ABCA4: variants seen among roughly 807,000 people sequenced by gnomAD.
ABCA4 encodes the protein ATP binding cassette subfamily A member 4.
Under a neutral mutation model 263.7 loss-of-function variants are expected in ABCA4, and 196 were observed. The observed-to-expected ratio is 0.74, with a 90% CI of 0.66 to 0.84. The LOEUF (loss-of-function observed/expected upper bound fraction) is 0.84, where lower values mean the gene tolerates loss of function less well. ABCA4 is among the 40% of genes least tolerant of loss of function. ABCA4 has a pLI of 0.00. For synonymous variants in ABCA4, 1,133 were observed against 1,094.2 expected (o/e 1.04, Z -0.70); for missense variants, 2,792 against 2,855.1 (o/e 0.98, Z 0.50).
intron 14 of ABCA4, among the ~76,000 whole-genome samples, chr1:94,058,215 T>C (rs552746629): frequency 6.6e-6 from 1 of 152,258 alleles, no homozygotes; most frequent in South Asian, 2.1e-4. Flanking sequence ...TAAATAAAAG[T>C]CTAAATTAGG....
intron 11 of ABCA4, among the ~76,000 whole-genome samples, chr1:94,065,586 T>C (rs1413381411): frequency 2.6e-5 from 4 of 152,228 alleles, no homozygotes; most frequent in Admixed American, 2.0e-4. Flanking sequence ...CAACACTTCT[T>C]GGGCCTCCTG....
At chr1:94,083,289 A>G (rs1307221063) in intron 7 of ABCA4, 63 bp downstream of exon 7, 5 of 1,308,610 alleles carry the variant, frequency 3.8e-6, no homozygotes, top group East Asian at 4.6e-5. Context: ...ATTATTTGAC[A>G]TAAGTGGGGT....
At chr1:94,101,127 T>G (rs577059) in intron 5 of ABCA4, among the ~76,000 whole-genome samples, 3 of 152,386 alleles carry the variant, frequency 2.0e-5, no homozygotes, top group Admixed American at 1.3e-4. Context: ...TGAAAGGCCT[T>G]GGCACTGATG....
intron 30 of ABCA4, among the ~76,000 whole-genome samples, chr1:94,026,934 G>A (rs1660052827): frequency 1.3e-5 from 2 of 152,198 alleles, no homozygotes; most frequent in Non-Finnish European, 2.9e-5. Flanking sequence ...GTGTGTGTGT[G>A]TGAGAAAGAG....
rs777992502 is a variant in ABCA4 at position 94,029,622 on chromosome 1, G to C, written c.4362C>G (p.Pro1454=). Residue 1454 remains proline, a synonymous_variant, in exon 30 of 50, where the codon CCC becomes CCG. Coordinates refer to ENST00000370225, the MANE Select transcript of ABCA4 (RefSeq NM_000350.3). ...TCTTCCAGGGTGTTGAGTTGCCACA[G>C]GGGTACTCCCTCATGGAAGACAAGA... ...CLKEGWLPEY[P]CGNSTPWKTP... is the part of the protein sequence containing the mutation. The C allele has an allele frequency of 6.2e-7, 1 of 1,613,572 alleles. No homozygotes were observed. The highest frequency in any genetic ancestry group is 8.5e-7 in the Non-Finnish European group (1 of 1,179,780).
intron 11 of ABCA4, among the ~76,000 whole-genome samples, chr1:94,073,978 A>T (rs1056452791): frequency 1.3e-5 from 2 of 152,116 alleles, no homozygotes; most frequent in African/African-American, 4.8e-5. Flanking sequence ...CTGGCTGGGA[A>T]TAAGGGCTTA....
intron 6 of ABCA4, among the ~76,000 whole-genome samples, chr1:94,090,442 T>C (rs1661940005): frequency 6.6e-6 from 1 of 152,100 alleles, no homozygotes; most frequent in Non-Finnish European, 1.5e-5. Context: ...CCTATCACTT[T>C]GAGGACTAAT....
At chr1:94,086,723 GAC>G (rs537979260) in intron 6 of ABCA4, among the ~76,000 whole-genome samples, 115 of 152,186 alleles carry the variant, frequency 7.6e-4, no homozygotes, top group African/African-American at 2.7e-3. Context: ...TTTCCTGATT[GAC>G]AATTCCACAG....
At chr1:94,063,360 C>G (rs199781278) in intron 11 of ABCA4, 43 bp from the exon 12 acceptor site, 1 of 1,570,512 alleles carries the variant, frequency 6.4e-7, no homozygotes, top group East Asian at 2.2e-5. Context: ...GGAGGACCAA[C>G]TGCAAAGACT....
intron 5 of ABCA4, among the ~76,000 whole-genome samples, chr1:94,100,972 G>T (rs544148375): frequency 6.4e-4 from 97 of 152,340 alleles, no homozygotes; most frequent in Admixed American, 1.8e-3. Context: ...CTGGGAAGTG[G>T]GCAGGGAGGG....
rs777546370 is a variant in ABCA4 at position 94,063,129 on chromosome 1, G to C, written c.1743C>G (p.Thr581=). 1 of 1,613,726 alleles carries C rather than the reference G, an allele frequency of 6.2e-7. No homozygotes were observed. Among genetic ancestry groups the C allele is most frequent in the Admixed American group, 1.7e-5 (1 of 60,018 alleles). ...IRMDIDVVEK[T]NKIKDRYWDS... The stretch of plus-strand genomic sequence containing the variant: ...AACATCACCTGTCTTTAATCTTATT[G>C]GTTTTCTCCACCACGTCTATGTCCA... The change falls in exon 12 of 50, where the codon ACC becomes ACG. Residue 581 remains threonine (T), a synonymous_variant. Coordinates refer to ENST00000370225, the MANE Select transcript of ABCA4 (RefSeq NM_000350.3).
At chr1:94,072,127 A>G (rs1661416991) in intron 11 of ABCA4, among the ~76,000 whole-genome samples, 2 of 152,228 alleles carry the variant, frequency 1.3e-5, no homozygotes, top group Non-Finnish European at 1.5e-5. Flanking sequence ...GGCCAGGAAC[A>G]TGCAAGGTTA....
At chr1:94,003,307 CTT>C (rs1659246103) in intron 44 of ABCA4, among the ~76,000 whole-genome samples, 1 of 150,030 alleles carries the variant, frequency 6.7e-6, no homozygotes, top group South Asian at 2.1e-4. Context: ...TTCCATAGCT[CTT>C]TCTTTGTCTT....
Position 94,019,484 on chromosome 1 carries a change from G to A in ABCA4, c.5196+98C>T, listed in dbSNP as rs1271646543. ...AGTGCCTTTCAGCAGCCCTGGCACC[G>A]TGAGAACCCCTCCCCTCTTGGTCTG... is the stretch of plus-strand genomic sequence containing the variant. On this transcript the variant is annotated intron_variant, in intron 36 of 49. Transcript: ENST00000370225. 21 of 1,389,734 alleles carry A rather than the reference G, an allele frequency of 1.5e-5. No homozygotes were observed. The South Asian group carries it at 1.9e-4, about 13-fold the overall frequency. 86.1% of individuals were successfully genotyped at this position (1,389,734 alleles called of 1,614,324 possible). A position where few individuals can be genotyped will look rare whatever the true frequency, so the allele number is the denominator to read the frequency against.
intron 2 of ABCA4, 123 bp from the exon 3 acceptor site, chr1:94,111,702 C>T: frequency 8.4e-7 from 1 of 1,196,534 alleles, no homozygotes; most frequent in Non-Finnish European, 1.2e-6. Flanking sequence ...TCATTCTCAG[C>T]ATTTAAGAAG....
chr1:94,079,865 T>C (rs1661642067), intron 8 of ABCA4, among the ~76,000 whole-genome samples: 1 of 152,170 alleles, frequency 6.6e-6, no homozygotes, highest in South Asian at 2.1e-4. Flanking sequence ...AGCTGCTTTG[T>C]TGTGTGTAGC....
At chr1:94,077,088 AAGC>A (rs1467763715) in intron 11 of ABCA4, among the ~76,000 whole-genome samples, 6 of 152,322 alleles carry the variant, frequency 3.9e-5, no homozygotes, top group Admixed American at 3.3e-4. Context: ...ATGTGTGTAA[AAGC>A]AGTTGGCACA....
At chr1:94,084,001 T>C (rs1306284305) in intron 6 of ABCA4, among the ~76,000 whole-genome samples, 1 of 152,224 alleles carries the variant, frequency 6.6e-6, no homozygotes, top group African/African-American at 2.4e-5. Context: ...AGAAGTTCCC[T>C]TGCAGATTCT....
In ABCA4 at chr1:94,079,447, C is replaced by A; in HGVS notation, c.1114G>T (p.Ala372Ser). Reference protein sequence around the residue: ...YDRRTTSFCNALIQSLESNPL... With the variant: ...YDRRTTSFCNSLIQSLESNPL... ...TTTGACTCCAGGCTCTGGATCAATG[C>A]ATTACAAAAGGATGCTGCCAGGAGA... The change falls in exon 9 of 50, where the codon GCA becomes TCA. Residue 372 changes from alanine to serine, a missense_variant. Ala to Ser is a moderately conservative substitution (Grantham distance 99). Coordinates refer to ENST00000370225, the MANE Select transcript of ABCA4 (RefSeq NM_000350.3). 6.2e-7 allele frequency: 1 copy of A among 1,614,184 alleles called. No homozygotes were observed. Among genetic ancestry groups the A allele is most frequent in the Non-Finnish European group, 8.5e-7 (1 of 1,180,028 alleles).
Sources: gnomAD v4.1 joint callset for allele counts (sites outside exome capture counted in the v4.1 genomes callset) on GRCh38, gnomAD v4.1.1 for gene constraint, MANE v1.5 for transcripts, NCBI Gene and HGNC (gene_info 2026-07-23, HGNC 2026-07-21) for gene names.